Variants in BMPR1B observed in about 807,000 individuals in gnomAD.
The protein encoded by BMPR1B is bone morphogenetic protein receptor type 1B.
Under a neutral mutation model 59.1 loss-of-function variants are expected in BMPR1B, and 12 were observed. The observed-to-expected ratio is 0.20, with a 90% CI of 0.13 to 0.33. BMPR1B has a LOEUF of 0.33. Among genes scored for constraint, BMPR1B ranks in the 10% least tolerant of loss-of-function variants. BMPR1B has a pLI of 1.00. For synonymous variants in BMPR1B, 237 were observed against 207.3 expected (o/e 1.14, Z -1.23); for missense variants, 550 against 610.9 (o/e 0.90, Z 1.05).
intron 4 of BMPR1B, among the ~76,000 whole-genome samples, chr4:95,111,242 T>G (rs559105258): frequency 1.5e-4 from 23 of 152,254 alleles, no homozygotes; most frequent in Middle Eastern, 3.4e-3. Flanking sequence ...ACTAATACTT[T>G]AAATAATTGT....
At chr4:94,875,454 G>C (rs542186817) in intron 1 of BMPR1B, among the ~76,000 whole-genome samples, 172 of 152,308 alleles carry the variant, frequency 1.1e-3, no homozygotes, top group African/African-American at 3.7e-3. Context: ...GGAGGCCGAG[G>C]TGGGTGGATC....
chr4:94,786,829 C>T (rs533375893), intron 1 of BMPR1B, among the ~76,000 whole-genome samples: 1 of 152,240 alleles, frequency 6.6e-6, no homozygotes, highest in East Asian at 1.9e-4. Context: ...CAGGCGTGAG[C>T]CATCGTGCCC....
chr4:94,852,608 T>C (rs1725609298), intron 1 of BMPR1B, among the ~76,000 whole-genome samples: 1 of 152,150 alleles, frequency 6.6e-6, no homozygotes. Flanking sequence ...TACAGGGTCG[T>C]GAAAATTAAT....
intron 2 of BMPR1B, among the ~76,000 whole-genome samples, chr4:94,993,969 A>C (rs941663516): frequency 6.6e-6 from 1 of 152,208 alleles, no homozygotes; most frequent in Non-Finnish European, 1.5e-5. Flanking sequence ...TTTAGATGCT[A>C]TTGAGTATAT....
chr4:94,994,622 A>G (rs1721944858), intron 2 of BMPR1B, among the ~76,000 whole-genome samples: 1 of 152,104 alleles, frequency 6.6e-6, no homozygotes, highest in African/African-American at 2.4e-5. Flanking sequence ...AATTCATTAG[A>G]TGAATATTAA....
intron 4 of BMPR1B, among the ~76,000 whole-genome samples, chr4:95,111,113 T>C (rs1437569110): frequency 6.6e-6 from 1 of 152,156 alleles, no homozygotes; most frequent in African/African-American, 2.4e-5. Flanking sequence ...AGAGTTGTTG[T>C]AGGAAAACTG....
intron 5 of BMPR1B, among the ~76,000 whole-genome samples, chr4:95,115,445 A>G (rs188067205): frequency 9.3e-4 from 141 of 152,326 alleles, no homozygotes; most frequent in African/African-American, 2.9e-3. Context: ...AGTTTATACA[A>G]TGCACACTAG....
At chr4:95,091,020 G>A (rs1729938030) in intron 3 of BMPR1B, among the ~76,000 whole-genome samples, 1 of 152,120 alleles carries the variant, frequency 6.6e-6, no homozygotes, top group South Asian at 2.1e-4. Context: ...TTGTGTAGTT[G>A]ATTGGTTTGT....
intron 2 of BMPR1B, among the ~76,000 whole-genome samples, chr4:94,941,047 C>A (rs1374403388): frequency 6.6e-6 from 1 of 152,108 alleles, no homozygotes; most frequent in East Asian, 1.9e-4. Context: ...GTAAAACAGC[C>A]TGTGAAATTC....
At chr4:95,100,553 G>A (rs1034423924) in intron 3 of BMPR1B, among the ~76,000 whole-genome samples, 9 of 151,984 alleles carry the variant, frequency 5.9e-5, no homozygotes, top group Non-Finnish European at 1.2e-4. Context: ...CTATTCACAT[G>A]GGCTATATGG....
chr4:94,928,432 G>A (rs1728972391), intron 2 of BMPR1B, among the ~76,000 whole-genome samples: 1 of 151,984 alleles, frequency 6.6e-6, no homozygotes, highest in Admixed American at 6.6e-5. Flanking sequence ...GTGCATGAAG[G>A]CAGATCAGTT....
At chr4:94,940,148 AATC>A (rs1226790366) in intron 2 of BMPR1B, among the ~76,000 whole-genome samples, 4 of 152,168 alleles carry the variant, frequency 2.6e-5, no homozygotes, top group African/African-American at 9.7e-5. Flanking sequence ...TGGGTGTGTT[AATC>A]ATTTCTTCAT....
At chr4:94,801,560 G>A (rs1723407361) in intron 1 of BMPR1B, among the ~76,000 whole-genome samples, 1 of 152,084 alleles carries the variant, frequency 6.6e-6, no homozygotes, top group Admixed American at 6.6e-5. Flanking sequence ...TGGTTTAAAT[G>A]TGTCATTTCA....
At position 95,049,461 on chromosome 4, in the gene BMPR1B, T is replaced by G. The variant is rs1253474344; in HGVS notation, c.-18+53327T>G. Among the ~76,000 whole-genome samples the G allele has an allele frequency of 2.8e-3, 202 of 73,104 alleles. 13 individuals are homozygous for G. Among genetic ancestry groups the G allele is most frequent in the African/African-American group, 9.6e-3 (196 of 20,514 alleles). The allele number at this position is 73,104 out of a possible 152,430, so 48.0% of individuals were successfully genotyped here. ...TTTTTTTTTTTTTTTTTTTTTTTTT[T>G]TTTTTTTTTGCAGTTCATATATTCC... On this transcript the variant is annotated intron_variant, in intron 3 of 12. Transcript: ENST00000515059.
chr4:95,078,319 G>A (rs1251440019), intron 3 of BMPR1B, among the ~76,000 whole-genome samples: 1 of 152,124 alleles, frequency 6.6e-6, no homozygotes, highest in South Asian at 2.1e-4. Flanking sequence ...CTAAATTCTG[G>A]TAGTGGCTTT....
chr4:94,761,160 C>T (rs1721747356), intron 1 of BMPR1B, among the ~76,000 whole-genome samples: 1 of 152,128 alleles, frequency 6.6e-6, no homozygotes, highest in South Asian at 2.1e-4. Context: ...GTAAGTTTTA[C>T]TCTAAACTCT....
chr4:94,854,736 A>G (rs899261043), intron 1 of BMPR1B, among the ~76,000 whole-genome samples: 8 of 152,160 alleles, frequency 5.3e-5, no homozygotes, highest in African/African-American at 7.2e-5. Context: ...TAGCAAGCCT[A>G]TTCTTGGCCC....
intron 2 of BMPR1B, among the ~76,000 whole-genome samples, chr4:94,947,686 C>T (rs181307041): frequency 6.6e-6 from 1 of 152,224 alleles, no homozygotes; most frequent in Non-Finnish European, 1.5e-5. Flanking sequence ...TGTGACAGTC[C>T]CTGCTGGGCA....
At chr4:94,835,148 A>C (rs578167433) in intron 1 of BMPR1B, among the ~76,000 whole-genome samples, 1 of 152,196 alleles carries the variant, frequency 6.6e-6, no homozygotes, top group South Asian at 2.1e-4. Flanking sequence ...TTTCCAAAGA[A>C]TAGTGTGGGT....
Sources: allele counts gnomAD v4.1 joint callset (sites outside exome capture counted in the v4.1 genomes callset), GRCh38; gene constraint gnomAD v4.1.1; transcripts MANE v1.5; gene names NCBI Gene and HGNC (gene_info 2026-07-23, HGNC 2026-07-21).